The following FBXW11 variants were observed in gnomAD, a reference collection of about 807,000 sequenced individuals.
The protein encoded by FBXW11 is F-box/WD repeat-containing protein 11.
Under a neutral mutation model 77.6 loss-of-function variants are expected in FBXW11, and 19 were observed. The ratio of observed to expected loss-of-function variants is 0.24; its 90% CI spans 0.17 to 0.36. FBXW11 has a LOEUF of 0.36. Among genes scored for constraint, FBXW11 ranks in the 10% least tolerant of loss-of-function variants. FBXW11 has a pLI of 1.00. For missense variants in FBXW11, 334 were observed against 704.2 expected, an observed-to-expected ratio of 0.47 and a Z score of 5.95; for synonymous variants, 235 against 249.4, an observed-to-expected ratio of 0.94 and a Z score of 0.54.
At chr5:171,964,770 G>A (rs75979125) in intron 1 of FBXW11, among the ~76,000 whole-genome samples, 2,699 of 152,256 alleles carry the variant, frequency 0.018, 34 homozygotes, top group South Asian at 0.056. Flanking sequence ...GTTAATTCAC[G>A]GTTTAAGGCA....
At chr5:171,939,696 C>CAAAAAAAAAAAAAAAAAA (rs58051402) in intron 2 of FBXW11, among the ~76,000 whole-genome samples, 1 of 80,058 alleles carries the variant, frequency 1.2e-5, no homozygotes, top group Non-Finnish European at 2.6e-5. Flanking sequence ...GACCCTGTCT[C>CAAAAAAAAAAAAAAAAAA]AAAAAAAAAA....
intron 13 of FBXW11, among the ~76,000 whole-genome samples, chr5:171,866,927 AG>A (rs1388942355): frequency 6.6e-6 from 1 of 152,238 alleles, no homozygotes; most frequent in Admixed American, 6.5e-5. Context: ...GATTATGATC[AG>A]GAACAGTCTG....
chr5:171,881,871 C>T (rs1758530523), intron 7 of FBXW11, among the ~76,000 whole-genome samples: 1 of 152,098 alleles, frequency 6.6e-6, no homozygotes, highest in African/African-American at 2.4e-5. Flanking sequence ...GGGAGTTGAT[C>T]ATATTATTTT....
chr5:171,955,870 A>G (rs1464292518), intron 2 of FBXW11, among the ~76,000 whole-genome samples: 2 of 152,174 alleles, frequency 1.3e-5, no homozygotes, highest in African/African-American at 4.8e-5. Context: ...AAGAAAGATG[A>G]GTCAAGGAAC....
At chr5:171,935,634 A>G (rs1441818584) in intron 2 of FBXW11, among the ~76,000 whole-genome samples, 2 of 152,164 alleles carry the variant, frequency 1.3e-5, no homozygotes, top group Non-Finnish European at 2.9e-5. Context: ...AAAGAGAAAG[A>G]GCATTAATTG....
chr5:172,001,394 A>C (rs886393808), intron 1 of FBXW11, among the ~76,000 whole-genome samples: 20 of 152,332 alleles, frequency 1.3e-4, no homozygotes, highest in African/African-American at 4.1e-4. Context: ...AAAAGAGGAT[A>C]GTTAAGACAC....
intron 2 of FBXW11, among the ~76,000 whole-genome samples, chr5:171,939,696 C>CAAAAAAAAAAA (rs58051402): frequency 1.6e-4 from 13 of 79,966 alleles, no homozygotes; most frequent in South Asian, 4.9e-4. Flanking sequence ...GACCCTGTCT[C>CAAAAAAAAAAA]AAAAAAAAAA....
chr5:171,863,007 G>A lies in FBXW11; in HGVS notation c.*1120C>T, dbSNP rs1757180590. The A allele has an allele frequency of 6.6e-6, 1 of 152,218 alleles. No individual in the cohort carries two copies. Among genetic ancestry groups the A allele is most frequent in the Non-Finnish European group, 1.5e-5 (1 of 68,040 alleles). The allele number at this position is 152,218 out of a possible 1,614,324, so 9.4% of individuals were successfully genotyped here. A position where few individuals can be genotyped will look rare whatever the true frequency, so the allele number is the denominator to read the frequency against. On this transcript the variant is annotated 3_prime_UTR_variant, in exon 14 of 14. Coordinates refer to ENST00000517395, the MANE Select transcript of FBXW11 (RefSeq NM_001378974.1). ...GGGAGGTGACCACTTGTACTCAGGA[G>A]TACTTATGAGAAAAAGAATAAGAAC...
chr5:171,907,653 T>A (rs916325595), intron 4 of FBXW11, among the ~76,000 whole-genome samples: 1 of 152,232 alleles, frequency 6.6e-6, no homozygotes, highest in African/African-American at 2.4e-5. Flanking sequence ...GCATTTTAAC[T>A]AAAGTATTTC....
intron 3 of FBXW11, among the ~76,000 whole-genome samples, chr5:171,914,080 T>C (rs1399477298): frequency 6.6e-6 from 1 of 152,260 alleles, no homozygotes; most frequent in African/African-American, 2.4e-5. Context: ...TGTCCATCTT[T>C]GGCTTAGGCA....
At chr5:171,973,820 G>A (rs1038306779) in intron 1 of FBXW11, among the ~76,000 whole-genome samples, 3 of 152,120 alleles carry the variant, frequency 2.0e-5, no homozygotes, top group Non-Finnish European at 4.4e-5. Context: ...GTAAGTTTCT[G>A]TAAATCTAAA....
chr5:171,998,100 G>A (rs747237780), intron 1 of FBXW11, among the ~76,000 whole-genome samples: 1 of 152,064 alleles, frequency 6.6e-6, no homozygotes, highest in Non-Finnish European at 1.5e-5. Context: ...CAGTTCAAGG[G>A]TCAGAAAGCC....
At chr5:171,967,282 G>A (rs186360556) in intron 1 of FBXW11, among the ~76,000 whole-genome samples, 8 of 152,266 alleles carry the variant, frequency 5.3e-5, no homozygotes, top group African/African-American at 1.7e-4. Flanking sequence ...CCAAGAAGAT[G>A]TCATTCACAT....
chr5:171,928,020 C>T (rs1209420098), intron 2 of FBXW11, among the ~76,000 whole-genome samples: 1 of 152,192 alleles, frequency 6.6e-6, no homozygotes, highest in African/African-American at 2.4e-5. Flanking sequence ...TCTTGATATA[C>T]TTCATTCACT....
chr5:172,006,533 C>G lies in FBXW11; in HGVS notation c.-31G>C, dbSNP rs1313335258. The G allele has an allele frequency of 4.7e-6, 7 of 1,495,276 alleles. No individual in the cohort carries two copies. Among genetic ancestry groups the G allele is most frequent in the Non-Finnish European group, 6.2e-6 (7 of 1,120,718 alleles). 92.6% of individuals were successfully genotyped at this position (1,495,276 alleles called of 1,614,324 possible). A position where few individuals can be genotyped will look rare whatever the true frequency, so the allele number is the denominator to read the frequency against. The stretch of plus-strand genomic sequence containing the variant: ...CCCCGGCGGCCCCGCCTCGCTCTCC[C>G]CGCGCAGCAGCGAACGGCCCGGGCG... On this transcript the variant is annotated 5_prime_UTR_variant, in exon 1 of 14. Transcript: ENST00000517395.
At chr5:171,941,057 A>C (rs970351868) in intron 2 of FBXW11, among the ~76,000 whole-genome samples, 3 of 152,214 alleles carry the variant, frequency 2.0e-5, no homozygotes, top group Non-Finnish European at 2.9e-5. Flanking sequence ...AATTCTGATG[A>C]AAACAGGATA....
intron 1 of FBXW11, among the ~76,000 whole-genome samples, chr5:171,980,534 AT>A (rs1022745477): frequency 6.6e-6 from 1 of 152,078 alleles, no homozygotes; most frequent in African/African-American, 2.4e-5. Flanking sequence ...AGAAAACTCA[AT>A]TTTTTTTATA....
intron 13 of FBXW11, 26 bp from the exon 14 acceptor site, chr5:171,864,127 G>A (rs1757236793): frequency 6.6e-6 from 1 of 152,232 alleles, no homozygotes; most frequent in Non-Finnish European, 1.5e-5. Flanking sequence ...CAGAAGCAAA[G>A]GGAGTGTGGG....
intron 2 of FBXW11, among the ~76,000 whole-genome samples, chr5:171,950,580 C>A (rs1763255073): frequency 6.6e-6 from 1 of 151,934 alleles, no homozygotes; most frequent in Admixed American, 6.6e-5. Flanking sequence ...AGGGTGAGCC[C>A]ATTTCCTCTA....
Sources: gnomAD v4.1 joint callset for allele counts (sites outside exome capture counted in the v4.1 genomes callset) on GRCh38, gnomAD v4.1.1 for gene constraint, MANE v1.5 for transcripts, NCBI Gene and HGNC (gene_info 2026-07-23, HGNC 2026-07-21) for gene names.